ADCY2: variants seen among roughly 807,000 people sequenced by gnomAD.
The protein encoded by ADCY2 is adenylate cyclase 2.
In ADCY2, 31 loss-of-function variants were observed where a neutral mutation model predicts 125.2. The observed-to-expected ratio is 0.25, with a 90% CI of 0.19 to 0.33. The LOEUF is 0.33. Among genes scored for constraint, ADCY2 ranks in the 10% least tolerant of loss-of-function variants. The probability of loss-of-function intolerance (pLI) is 1.00; values close to 1 mark genes in which losing one functional copy is unlikely to be tolerated. For synonymous variants in ADCY2, 512 were observed against 548.4 expected (o/e 0.93, Z 0.93); for missense variants, 904 against 1,418.2 (o/e 0.64, Z 5.82).
At chr5:7,826,314 C>T (rs909567149) in intron 24 of ADCY2, among the ~76,000 whole-genome samples, 1 of 152,140 alleles carries the variant, frequency 6.6e-6, no homozygotes, top group African/African-American at 2.4e-5. Context: ...TCCCACCACT[C>T]CAATCTATTT....
chr5:7,761,020 T>C (rs1317103790), intron 16 of ADCY2, among the ~76,000 whole-genome samples: 1 of 152,198 alleles, frequency 6.6e-6, no homozygotes, highest in Non-Finnish European at 1.5e-5. Flanking sequence ...ACGTGGCTTA[T>C]TTCACTTAGC....
chr5:7,656,133 C>T (rs1238446856), intron 4 of ADCY2, among the ~76,000 whole-genome samples: 1 of 150,540 alleles, frequency 6.6e-6, no homozygotes, highest in Non-Finnish European at 1.5e-5. Context: ...TGGCTCACTG[C>T]AACCTCCACC....
intron 2 of ADCY2, among the ~76,000 whole-genome samples, chr5:7,465,683 T>C (rs1239240002): frequency 6.6e-6 from 1 of 152,236 alleles, no homozygotes; most frequent in Non-Finnish European, 1.5e-5. Context: ...CTGCAAAGTA[T>C]GTGAATGTTA....
chr5:7,514,040 C>G (rs1415053960), intron 2 of ADCY2, among the ~76,000 whole-genome samples: 1 of 152,106 alleles, frequency 6.6e-6, no homozygotes, highest in Non-Finnish European at 1.5e-5. Flanking sequence ...CTTATACATT[C>G]CAGGGAAGAA....
chr5:7,633,125 T>TA (rs769107311), intron 4 of ADCY2, among the ~76,000 whole-genome samples: 4,061 of 144,494 alleles, frequency 0.028, 76 homozygotes, highest in Non-Finnish European at 0.039. Flanking sequence ...TGTTCATTCT[T>TA]AAAAAAAAAA....
At chr5:7,695,331 G>A (rs1740853733) in intron 5 of ADCY2, among the ~76,000 whole-genome samples, 1 of 152,090 alleles carries the variant, frequency 6.6e-6, no homozygotes, top group Non-Finnish European at 1.5e-5. Flanking sequence ...ATTTGTAACT[G>A]GACATTTGTT....
rs144149625 is a variant in ADCY2 at position 7,552,108 on chromosome 5, C to T, written c.570+31209C>T. 5.9e-3 allele frequency among the ~76,000 whole-genome samples: 899 copies of T among 152,138 alleles called. 9 individuals are homozygous for T. Among genetic ancestry groups the T allele is most frequent in the African/African-American group, 0.021 (856 of 41,508 alleles). On this transcript the variant is annotated intron_variant, in intron 3 of 24. Coordinates refer to ENST00000338316, the MANE Select transcript of ADCY2 (RefSeq NM_020546.3). The stretch of plus-strand genomic sequence containing the variant: ...GGAGGTAGATTTTTAATAGACCTAT[C>T]GATTGGAAAGAGTAATAAATTGGCC...
intron 2 of ADCY2, among the ~76,000 whole-genome samples, chr5:7,466,051 C>A (rs984443148): frequency 6.6e-6 from 1 of 152,138 alleles, no homozygotes; most frequent in Non-Finnish European, 1.5e-5. Context: ...GCTTTTCCTC[C>A]TTTTAGCACT....
chr5:7,526,221 C>G (rs1734453493), intron 3 of ADCY2, among the ~76,000 whole-genome samples: 2 of 152,214 alleles, frequency 1.3e-5, no homozygotes, highest in Admixed American at 1.3e-4. Flanking sequence ...CCTCCCCCAT[C>G]CACTGCTGGT....
At chr5:7,714,882 C>A (rs1741549270) in intron 11 of ADCY2, among the ~76,000 whole-genome samples, 1 of 152,220 alleles carries the variant, frequency 6.6e-6, no homozygotes, top group Non-Finnish European at 1.5e-5. Context: ...CCCATGCCTG[C>A]TTAGACCTAT....
intron 1 of ADCY2, among the ~76,000 whole-genome samples, chr5:7,413,854 TAAA>T (rs917562505): frequency 2.6e-5 from 4 of 151,404 alleles, no homozygotes; most frequent in Non-Finnish European, 5.9e-5. Flanking sequence ...AAGAGATAAA[TAAA>T]AAAAAATTGT....
intron 3 of ADCY2, among the ~76,000 whole-genome samples, chr5:7,555,137 G>A (rs1735464030): frequency 6.6e-6 from 1 of 152,146 alleles, no homozygotes; most frequent in Admixed American, 6.5e-5. Flanking sequence ...TGACAATCAT[G>A]TATCCAACTT....
intron 23 of ADCY2, among the ~76,000 whole-genome samples, chr5:7,817,754 T>A (rs994569072): frequency 7.0e-6 from 1 of 142,656 alleles, no homozygotes; most frequent in African/African-American, 2.7e-5. Flanking sequence ...ACCCAAGAGG[T>A]TGAGGCTGCA....
intron 3 of ADCY2, among the ~76,000 whole-genome samples, chr5:7,611,933 A>T (rs866968378): frequency 2.0e-5 from 3 of 152,146 alleles, no homozygotes; most frequent in Non-Finnish European, 4.4e-5. Flanking sequence ...TGTGGCAGAA[A>T]TTTTTTCTTG....
intron 4 of ADCY2, among the ~76,000 whole-genome samples, chr5:7,659,529 T>C (rs1219666124): frequency 6.6e-6 from 1 of 152,180 alleles, no homozygotes; most frequent in Non-Finnish European, 1.5e-5. Context: ...CTCTAGCAAT[T>C]GGTGTTGAAA....
chr5:7,571,698 C>T (rs1172606286), intron 3 of ADCY2, among the ~76,000 whole-genome samples: 2 of 152,068 alleles, frequency 1.3e-5, no homozygotes, highest in Admixed American at 6.6e-5. Context: ...CATAGGTAAA[C>T]GTGTGTCATG....
At chr5:7,750,080 ATC>A (rs1742756192) in intron 15 of ADCY2, among the ~76,000 whole-genome samples, 1 of 152,130 alleles carries the variant, frequency 6.6e-6, no homozygotes, top group South Asian at 2.1e-4. Flanking sequence ...TGATCCAAAC[ATC>A]TCTCTCTCTT....
intron 3 of ADCY2, among the ~76,000 whole-genome samples, chr5:7,539,567 G>A (rs1734929661): frequency 6.6e-6 from 1 of 152,216 alleles, no homozygotes; most frequent in Non-Finnish European, 1.5e-5. Context: ...GTAATATTGG[G>A]TCTTTCCAAT....
intron 4 of ADCY2, among the ~76,000 whole-genome samples, chr5:7,677,698 C>T (rs148981461): frequency 6.6e-6 from 1 of 152,182 alleles, no homozygotes; most frequent in Non-Finnish European, 1.5e-5. Flanking sequence ...CGAGCACAAT[C>T]ATGGGATTGT....
Sources: gnomAD v4.1 joint callset for allele counts (sites outside exome capture counted in the v4.1 genomes callset) on GRCh38, gnomAD v4.1.1 for gene constraint, MANE v1.5 for transcripts, NCBI Gene and HGNC (gene_info 2026-07-23, HGNC 2026-07-21) for gene names.